ARHGAP17: variants seen among roughly 807,000 people sequenced by gnomAD.
The protein encoded by ARHGAP17 is rho GTPase-activating protein 17.
A neutral mutation model predicts 99.5 loss-of-function variants in ARHGAP17; 57 were observed. The observed-to-expected ratio is 0.57, with a 90% CI of 0.46 to 0.71. The LOEUF (loss-of-function observed/expected upper bound fraction) is 0.71. ARHGAP17 is among the 30% of genes least tolerant of loss of function. The pLI is 0.00. For missense variants in ARHGAP17, 1,000 were observed against 1,122.4 expected (o/e 0.89, Z 1.56); for synonymous variants, 417 against 429.6 (o/e 0.97, Z 0.36).
rs138954677 is a variant in ARHGAP17, at chr16:24,964,381, G to A, written c.462-73C>T. 2.6e-4 allele frequency: 263 copies of A among 1,023,340 alleles called. 2 individuals are homozygous for A. The East Asian group carries it at 6.3e-3, about 25-fold the overall frequency. The allele number at this position is 1,023,340 out of a possible 1,614,324, so 63.4% of individuals were successfully genotyped here. On this transcript the variant is annotated intron_variant, in intron 6 of 19. Coordinates refer to ENST00000289968, the MANE Select transcript of ARHGAP17 (RefSeq NM_001006634.3). Reference sequence around the variant, plus strand: ...TCAACAGCTGGAGGCAGGACCTGGTGGAGATAGATCCTTCCCCACAATTGA... The same window carrying A: ...TCAACAGCTGGAGGCAGGACCTGGTAGAGATAGATCCTTCCCCACAATTGA...
intron 3 of ARHGAP17, among the ~76,000 whole-genome samples, chr16:24,971,827 A>C (rs1309481992): frequency 1.3e-5 from 2 of 152,196 alleles, no homozygotes; most frequent in African/African-American, 4.8e-5. Context: ...AGGAACCCAA[A>C]GCCGAAGGAG....
intron 1 of ARHGAP17, chr16:25,013,772 A>G (rs2053706924): frequency 6.6e-6 from 1 of 152,212 alleles, no homozygotes; most frequent in Non-Finnish European, 1.5e-5. Context: ...AACAAGCCAA[A>G]CGACTATTTG....
At chr16:25,013,540 G>C (rs1334467807) in intron 1 of ARHGAP17, among the ~76,000 whole-genome samples, 6 of 151,944 alleles carry the variant, frequency 3.9e-5, no homozygotes, top group Non-Finnish European at 7.4e-5. Context: ...AGGGTCGCTT[G>C]AGCCCAGGGA....
intron 15 of ARHGAP17, among the ~76,000 whole-genome samples, chr16:24,943,164 CCTAGTTTGAAAAT>C (rs1176497083): frequency 6.6e-6 from 1 of 152,200 alleles, no homozygotes; most frequent in Non-Finnish European, 1.5e-5. Flanking sequence ...CTGCAACAAA[CCTAGTTTGAAAAT>C]CTATTGCCAG....
At chr16:24,997,763 T>C (rs2141462806) in intron 1 of ARHGAP17, among the ~76,000 whole-genome samples, 1 of 152,080 alleles carries the variant, frequency 6.6e-6, no homozygotes, top group Admixed American at 6.5e-5. Flanking sequence ...GGCTGGACAA[T>C]GTGTGTTTTT....
In ARHGAP17 at chr16:24,939,551, T is replaced by G; in HGVS notation, c.1537A>C (p.Thr513Pro). ...MDFQAHRRGG[T>P]LNRKHISPAF... Reference sequence around the variant, plus strand: ...GGGGATATGTGCTTTCTATTTAGAGTGCCACCCCGCCGGTGGGCCTGGAAG... The same window carrying G: ...GGGGATATGTGCTTTCTATTTAGAGGGCCACCCCGCCGGTGGGCCTGGAAG... The change falls in exon 17 of 20, where the codon ACT (threonine) becomes CCT (proline). Residue 513 changes from threonine (T) to proline (P), a missense_variant. Transcript: ENST00000289968. 1 of 1,606,312 alleles carries G rather than the reference T, an allele frequency of 6.2e-7. No individual in the cohort carries two copies. The highest frequency in any genetic ancestry group is 8.5e-7 in the Non-Finnish European group (1 of 1,177,196).
intron 3 of ARHGAP17, among the ~76,000 whole-genome samples, chr16:24,975,750 G>A (rs1290568024): frequency 2.6e-5 from 4 of 152,146 alleles, no homozygotes; most frequent in East Asian, 1.9e-4. Flanking sequence ...GTGTGTCACC[G>A]AAACTGTCAC....
chr16:24,938,999 C>T (rs1375378368), intron 17 of ARHGAP17, among the ~76,000 whole-genome samples: 1 of 152,128 alleles, frequency 6.6e-6, no homozygotes, highest in Non-Finnish European at 1.5e-5. Flanking sequence ...ACTTGCCACA[C>T]TCAAATGCTT....
chr16:24,968,302 CCG>C (rs372739951), intron 6 of ARHGAP17, 47 bp downstream of exon 6: 1 of 1,592,254 alleles, frequency 6.3e-7, no homozygotes, highest in African/African-American at 1.3e-5. Context: ...GTCTTCTCCC[CCG>C]TGGTGGGAAT....
chr16:24,964,834 T>G (rs1281235868), intron 6 of ARHGAP17, among the ~76,000 whole-genome samples: 1 of 152,088 alleles, frequency 6.6e-6, no homozygotes, highest in Non-Finnish European at 1.5e-5. Flanking sequence ...TGAGGCTGGG[T>G]GCGGTGGCTC....
At chr16:25,007,113 A>G (rs2053527825) in intron 1 of ARHGAP17, among the ~76,000 whole-genome samples, 1 of 152,194 alleles carries the variant, frequency 6.6e-6, no homozygotes, top group South Asian at 2.1e-4. Flanking sequence ...GAGGGCTCCT[A>G]TTTTTGAAGT....
At chr16:25,010,308 A>G (rs9937999) in intron 1 of ARHGAP17, among the ~76,000 whole-genome samples, 49,054 of 151,984 alleles carry the variant, frequency 0.32, 9,174 homozygotes, top group East Asian at 0.53. Context: ...TCCTGGGTTC[A>G]AGTGATCCTC....
chr16:24,952,749 G>A (rs2051680827), intron 11 of ARHGAP17, among the ~76,000 whole-genome samples, 182 bp downstream of exon 11: 1 of 152,172 alleles, frequency 6.6e-6, no homozygotes, highest in South Asian at 2.1e-4. Context: ...AACAGAAAAG[G>A]AGTAAAGAAG....
Position 24,974,917 on chromosome 16 carries a change from C to T in ARHGAP17, c.198+2298G>A, listed in dbSNP as rs190306206. Among the ~76,000 whole-genome samples, 697 of 152,174 alleles carry T rather than the reference C, an allele frequency of 4.6e-3. 6 individuals are homozygous for T. The highest frequency in any genetic ancestry group is 0.016 in the African/African-American group (662 of 41,524). Reference sequence around the variant, plus strand: ...ATCCCAACACTTTGAGAGGCCAAGGCGGGAGAACTGCTTGAGCCCAGGAGT... The same window carrying T: ...ATCCCAACACTTTGAGAGGCCAAGGTGGGAGAACTGCTTGAGCCCAGGAGT... On this transcript the variant is annotated intron_variant, in intron 3 of 19. Coordinates refer to ENST00000289968, the MANE Select transcript of ARHGAP17 (RefSeq NM_001006634.3).
chr16:24,984,765 T>A (rs2052806290), intron 1 of ARHGAP17, among the ~76,000 whole-genome samples: 1 of 152,082 alleles, frequency 6.6e-6, no homozygotes, highest in Non-Finnish European at 1.5e-5. Flanking sequence ...AAAACTAGGT[T>A]GAAAAGCAGC....
Position 24,930,973 on chromosome 16 carries a change from G to A in ARHGAP17, c.2326C>T (p.Pro776Ser). 1 of 1,613,998 alleles carries A rather than the reference G, an allele frequency of 6.2e-7. No individual in the cohort carries two copies. The highest frequency in any genetic ancestry group is 8.5e-7 in the Non-Finnish European group (1 of 1,179,970). ...LGKQNPSLPA[P>S]QTLAGGNPET... ...GGGTTACCCCCTGCCAGGGTCTGAG[G>A]AGCTGGCAGACTGGGGTTCTGTTTT... The change falls in exon 19 of 20, where the codon CCT becomes TCT. Residue 776 changes from proline to serine, a missense_variant. Pro to Ser is a moderately conservative substitution (Grantham distance 74). Transcript: ENST00000289968.
intron 1 of ARHGAP17, among the ~76,000 whole-genome samples, chr16:24,987,436 A>G (rs1358783358): frequency 1.3e-5 from 2 of 152,178 alleles, no homozygotes; most frequent in East Asian, 1.9e-4. Flanking sequence ...ATCCTTTTTA[A>G]TCACTTCCCA....
At chr16:24,937,656 T>G (rs1230684822) in intron 17 of ARHGAP17, among the ~76,000 whole-genome samples, 5 of 151,984 alleles carry the variant, frequency 3.3e-5, no homozygotes, top group African/African-American at 1.2e-4. Flanking sequence ...TTTCCCAAGG[T>G]GAAGAAAATG....
chr16:24,952,893 G>C, intron 11 of ARHGAP17, 38 bp downstream of exon 11: 1 of 1,592,038 alleles, frequency 6.3e-7, no homozygotes, highest in Non-Finnish European at 8.6e-7. Context: ...CCACCGCCTT[G>C]AGGGTGACTT....
Sources: allele counts gnomAD v4.1 joint callset (sites outside exome capture counted in the v4.1 genomes callset), GRCh38; gene constraint gnomAD v4.1.1; transcripts MANE v1.5; gene names NCBI Gene and HGNC (gene_info 2026-07-23, HGNC 2026-07-21).